SEPTIN7: variants seen among roughly 807,000 people sequenced by gnomAD.
SEPTIN7 encodes septin 7.
Under a neutral mutation model 63.3 loss-of-function variants are expected in SEPTIN7, and 10 were observed. The ratio of observed to expected loss-of-function variants is 0.16; its 90% CI spans 0.10 to 0.27. The LOEUF (loss-of-function observed/expected upper bound fraction) is 0.27, where lower values mean the gene tolerates loss of function less well. Ranked by LOEUF, SEPTIN7 falls within the 10% of genes least tolerant of loss-of-function variation. The pLI is 1.00. For missense variants in SEPTIN7, 310 were observed against 521.0 expected (o/e 0.59, Z 3.94); for synonymous variants, 131 against 165.3 (o/e 0.79, Z 1.59).
At chr7:35,878,021 T>TA (rs1786578566) in intron 6 of SEPTIN7, among the ~76,000 whole-genome samples, 1 of 152,152 alleles carries the variant, frequency 6.6e-6, no homozygotes, top group African/African-American at 2.4e-5. Context: ...GTACTGAAAG[T>TA]AAAAAGCAGA....
Position 35,863,692 on chromosome 7 carries a change from G to T in SEPTIN7, c.276+34G>T, listed in dbSNP as rs767295548. ...ATTAGTATTGTTAATTGATAAGCTGGAATAATATTAATACACACAAAGCAC... is the reference window on the plus strand; with the variant it reads ...ATTAGTATTGTTAATTGATAAGCTGTAATAATATTAATACACACAAAGCAC... On this transcript the variant is annotated intron_variant, in intron 4 of 13. Coordinates refer to ENST00000350320, the MANE Select transcript of SEPTIN7 (RefSeq NM_001788.6). The T allele has an allele frequency of 2.7e-6, 3 of 1,104,834 alleles. No individual in the cohort carries two copies. In the East Asian group the frequency reaches 7.5e-5, roughly 28 times the overall value. 68.4% of individuals were successfully genotyped at this position (1,104,834 alleles called of 1,614,324 possible). A position where few individuals can be genotyped will look rare whatever the true frequency, so the allele number is the denominator to read the frequency against.
Position 35,903,232 on chromosome 7 carries a change from T to A in SEPTIN7, c.1274+17T>A. The A allele has an allele frequency of 6.5e-7, 1 of 1,530,996 alleles. No homozygotes were observed. The highest frequency in any genetic ancestry group is 2.4e-5 in the East Asian group (1 of 42,404). The allele number at this position is 1,530,996 out of a possible 1,614,324, so 94.8% of individuals were successfully genotyped here. The stretch of plus-strand genomic sequence containing the variant: ...CTCTTCAAGGTAACTAATAGCAGAT[T>A]ACTAAGAAATGTGTGTATTAATGTT... On this transcript the variant is annotated intron_variant, in intron 13 of 13. Transcript: ENST00000350320.
At chr7:35,915,059 A>G in the SEPTIN7 span, among the ~76,000 whole-genome samples, 3 of 150,286 alleles carry the variant, frequency 2.0e-5, no homozygotes, top group African/African-American at 4.9e-5. Flanking sequence ...ATGTATATAT[A>G]CACAGATGCA....
chr7:35,832,125 A>G, intron 2 of SEPTIN7: 1 of 454,352 alleles, frequency 2.2e-6, no homozygotes, highest in South Asian at 1.6e-5. Flanking sequence ...TCATCTAGGA[A>G]TAAAAAACCA....
At chr7:35,807,505 C>T (rs1183623381) in intron 1 of SEPTIN7, among the ~76,000 whole-genome samples, 1 of 152,070 alleles carries the variant, frequency 6.6e-6, no homozygotes, top group Non-Finnish European at 1.5e-5. Flanking sequence ...GCTGGGACTA[C>T]AGGCGCCCGC....
rs1432616281 is a variant in SEPTIN7 at position 35,905,865 on chromosome 7, CAT to C, written c.*1574_*1575del. The stretch of plus-strand genomic sequence containing the variant: ...CATTTCTTTTCTTAAGGTCAAGTGA[CAT>C]AGATTTTAATGTAATGCATAATTTA... On this transcript the variant is annotated 3_prime_UTR_variant, in exon 14 of 14. Transcript: ENST00000350320. 1.3e-5 allele frequency: 2 copies of C among 152,098 alleles called. No individual in the cohort carries two copies. Among genetic ancestry groups the C allele is most frequent in the Non-Finnish European group, 1.5e-5 (1 of 68,034 alleles). The allele number at this position is 152,098 out of a possible 1,614,324, so 9.4% of individuals were successfully genotyped here.
intron 1 of SEPTIN7, among the ~76,000 whole-genome samples, chr7:35,829,257 A>T (rs10260003): frequency 0.33 from 49,181 of 149,702 alleles, 8,220 homozygotes; most frequent in East Asian, 0.41. Flanking sequence ...CTCCTGCCTC[A>T]GCCTCCCGAA....
intron 1 of SEPTIN7, among the ~76,000 whole-genome samples, chr7:35,807,322 T>A (rs1157095657): frequency 6.6e-6 from 1 of 150,376 alleles, no homozygotes; most frequent in Non-Finnish European, 1.5e-5. Context: ...TAGCTGGGAT[T>A]ACAGGCATGT....
chr7:35,889,295 C>G (rs564556790), intron 10 of SEPTIN7, among the ~76,000 whole-genome samples: 1 of 152,248 alleles, frequency 6.6e-6, no homozygotes, highest in South Asian at 2.1e-4. Context: ...TCAGAAGTAA[C>G]TATTGTGGCT....
chr7:35,833,378 A>T (rs1783929267), intron 3 of SEPTIN7, among the ~76,000 whole-genome samples: 1 of 152,002 alleles, frequency 6.6e-6, no homozygotes, highest in African/African-American at 2.4e-5. Flanking sequence ...GAATGAGTAA[A>T]ATATGACTCT....
At chr7:35,862,394 T>C in intron 3 of SEPTIN7, among the ~76,000 whole-genome samples, 1 of 152,214 alleles carries the variant, frequency 6.6e-6, no homozygotes, top group Admixed American at 6.5e-5. Flanking sequence ...CAAAACATTA[T>C]TGTATATACT....
intron 7 of SEPTIN7, among the ~76,000 whole-genome samples, chr7:35,882,092 C>T (rs570601702): frequency 2.0e-5 from 3 of 151,994 alleles, no homozygotes; most frequent in African/African-American, 7.2e-5. Flanking sequence ...CCTGTTTATT[C>T]AACTAAATAA....
At chr7:35,815,453 A>G (rs958052838) in intron 1 of SEPTIN7, among the ~76,000 whole-genome samples, 2 of 152,262 alleles carry the variant, frequency 1.3e-5, no homozygotes, top group African/African-American at 4.8e-5. Flanking sequence ...CTATTAATGC[A>G]GAGTTCAATC....
intron 5 of SEPTIN7, among the ~76,000 whole-genome samples, chr7:35,873,030 TAGA>T (rs1330053416): frequency 1.3e-5 from 2 of 152,124 alleles, no homozygotes; most frequent in Non-Finnish European, 2.9e-5. Context: ...CATAGGTAAA[TAGA>T]AGAATTCTCA....
intron 4 of SEPTIN7, 123 bp downstream of exon 4, chr7:35,863,781 G>T: frequency 2.0e-6 from 1 of 498,206 alleles, no homozygotes; most frequent in Non-Finnish European, 3.5e-6. Context: ...GCCAGTGTAT[G>T]ATGGTAAATA....
intron 11 of SEPTIN7, among the ~76,000 whole-genome samples, chr7:35,895,306 G>T (rs931153774): frequency 1.3e-5 from 2 of 152,130 alleles, no homozygotes; most frequent in African/African-American, 4.8e-5. Context: ...ATGACTAGAA[G>T]TGAGGTGTTA....
In SEPTIN7 at chr7:35,898,461, A is replaced by G. The variant is rs746240008; in HGVS notation, c.1134+78A>G. 3.4e-5 allele frequency: 32 copies of G among 936,194 alleles called. 1 individual carries two copies. The South Asian group carries it at 6.0e-4, about 17-fold the overall frequency. 58.0% of individuals were successfully genotyped at this position (936,194 alleles called of 1,614,324 possible). On this transcript the variant is annotated intron_variant, in intron 12 of 13. Transcript: ENST00000350320. ...AGTATCTTCAGTAAAATTTATAGATAATATAACCTTTTTATACATATTTTT... is the reference window on the plus strand; with the variant it reads ...AGTATCTTCAGTAAAATTTATAGATGATATAACCTTTTTATACATATTTTT...
chr7:35,836,990 A>G (rs1461113513), intron 3 of SEPTIN7, among the ~76,000 whole-genome samples: 1 of 152,174 alleles, frequency 6.6e-6, no homozygotes, highest in Non-Finnish European at 1.5e-5. Context: ...CCATTGAATT[A>G]TACACTTTAA....
intron 3 of SEPTIN7, among the ~76,000 whole-genome samples, chr7:35,842,287 TG>T (rs1307119748): frequency 2.0e-5 from 3 of 151,964 alleles, no homozygotes; most frequent in African/African-American, 7.3e-5. Context: ...CTGTCTCCCA[TG>T]AAAGACCTTT....
Sources: gnomAD v4.1 joint callset for allele counts (sites outside exome capture counted in the v4.1 genomes callset) on GRCh38, gnomAD v4.1.1 for gene constraint, MANE v1.5 for transcripts, NCBI Gene and HGNC (gene_info 2026-07-23, HGNC 2026-07-21) for gene names.